The following EDEM3 variants were observed in gnomAD, a reference collection of about 807,000 sequenced individuals.
The protein encoded by EDEM3 is ER degradation enhancing alpha-mannosidase like protein 3.
Under a neutral mutation model 110.2 loss-of-function variants are expected in EDEM3, and 60 were observed. That is an observed-to-expected ratio of 0.54 (90% CI 0.44 to 0.67). EDEM3 has a LOEUF of 0.67. EDEM3 is among the 30% of genes least tolerant of loss of function. EDEM3 has a pLI of 0.00. For missense variants in EDEM3, 996 were observed against 1,121.0 expected (o/e 0.89, Z 1.59); for synonymous variants, 352 against 382.9 (o/e 0.92, Z 0.94).
chr1:184,744,960 G>C (rs1277665085), intron 2 of EDEM3, among the ~76,000 whole-genome samples: 1 of 152,080 alleles, frequency 6.6e-6, no homozygotes, highest in African/African-American at 2.4e-5. Flanking sequence ...AGGTTGCTAG[G>C]CGTCAGAGGT....
At chr1:184,715,918 G>A (rs1272464174) in intron 13 of EDEM3, among the ~76,000 whole-genome samples, 4 of 152,152 alleles carry the variant, frequency 2.6e-5, no homozygotes, top group Non-Finnish European at 2.9e-5. Flanking sequence ...AACACTAAGT[G>A]AAGAACTAAG....
intron 8 of EDEM3, among the ~76,000 whole-genome samples, chr1:184,722,411 T>C (rs1031598965): frequency 3.0e-4 from 46 of 152,016 alleles, no homozygotes; most frequent in Non-Finnish European, 2.9e-5. Context: ...TTTTAAACTA[T>C]AACCAAGATG....
At chr1:184,726,528 G>T in intron 6 of EDEM3, 139 bp from the exon 7 acceptor site, 1 of 928,736 alleles carries the variant, frequency 1.1e-6, no homozygotes, top group Non-Finnish European at 1.6e-6. Context: ...TCAATCTGAT[G>T]ATCTCTGACT....
chr1:184,742,200 T>C (rs1652183293), intron 2 of EDEM3, among the ~76,000 whole-genome samples: 1 of 152,172 alleles, frequency 6.6e-6, no homozygotes, highest in Admixed American at 6.5e-5. Context: ...CAAAGCAGGT[T>C]AAAGAATACT....
chr1:184,722,490 A>G lies in EDEM3; in HGVS notation c.854-1104T>C, dbSNP rs141758634. Among the ~76,000 whole-genome samples the G allele has an allele frequency of 2.8e-3, 424 of 152,128 alleles. 5 individuals carry two copies. In the East Asian group the frequency reaches 0.035, roughly 13 times the overall value. On this transcript the variant is annotated intron_variant, in intron 8 of 19. Transcript: ENST00000318130. ...TGAATACACAAGATGACTTTTCATC[A>G]GTGGCCATTCAATATTTTGCTTTTA...
At position 184,694,052 on chromosome 1, in the gene EDEM3, T is replaced by G; in HGVS notation, c.*11A>C. 1 of 1,604,960 alleles carries G rather than the reference T, an allele frequency of 6.2e-7. No individual in the cohort carries two copies. The highest frequency in any genetic ancestry group is 8.5e-7 in the Non-Finnish European group (1 of 1,175,284). Reference sequence around the variant, plus strand: ...TCTTTTTAAATACCTACCAACAGATTGTTTAGCAAGTCATAGCTCATCCTT... The same window carrying G: ...TCTTTTTAAATACCTACCAACAGATGGTTTAGCAAGTCATAGCTCATCCTT... On this transcript the variant is annotated 3_prime_UTR_variant, in exon 20 of 20. Transcript: ENST00000318130.
rs1165411279 is a variant in EDEM3 at position 184,729,955 on chromosome 1, A to T, written c.612+2882T>A. On this transcript the variant is annotated intron_variant, in intron 6 of 19. Transcript: ENST00000318130. Reference sequence around the variant, plus strand: ...AGTAAACTGAATTAAGTAAATGTTTATATATTGTTTAAAAAACTTTGCTTT... The same window carrying T: ...AGTAAACTGAATTAAGTAAATGTTTTTATATTGTTTAAAAAACTTTGCTTT... Among the ~76,000 whole-genome samples, 3 of 152,226 alleles carry T rather than the reference A, an allele frequency of 2.0e-5. No homozygotes were observed. In the South Asian group the frequency reaches 6.2e-4, roughly 31 times the overall value.
rs940917863 is a variant in EDEM3, at chr1:184,691,068, T to C, written c.*2995A>G. 6.6e-6 allele frequency: 1 copy of C among 152,530 alleles called. No homozygotes were observed. Among genetic ancestry groups the C allele is most frequent in the African/African-American group, 2.4e-5 (1 of 41,432 alleles). The allele number at this position is 152,530 out of a possible 1,614,324, so 9.4% of individuals were successfully genotyped here. On this transcript the variant is annotated 3_prime_UTR_variant, in exon 20 of 20. Transcript: ENST00000318130. Reference sequence around the variant, plus strand: ...GTTAAAATCAGAAAGTGTACAATTTTTCTTTTTACTAATACTGTAAAGAAA... The same window carrying C: ...GTTAAAATCAGAAAGTGTACAATTTCTCTTTTTACTAATACTGTAAAGAAA...
intron 16 of EDEM3, 74 bp downstream of exon 16, chr1:184,710,320 T>C: frequency 6.6e-7 from 1 of 1,516,434 alleles, no homozygotes; most frequent in Non-Finnish European, 8.9e-7. Flanking sequence ...TTGAAATCCA[T>C]TATCTTATTA....
rs376878107 is a variant in EDEM3, at chr1:184,754,700, T to C, written c.-54A>G. On this transcript the variant is annotated 5_prime_UTR_variant, in exon 1 of 20. Transcript: ENST00000318130. ...GCTACGCCCGGCCGGTGAGACACAT[T>C]GCTGGACGCTGGTGGCCAGGGGGCT... The C allele has an allele frequency of 1.8e-5, 26 of 1,473,298 alleles. 1 individual carries two copies. In the Middle Eastern group the frequency reaches 6.2e-4, roughly 35 times the overall value. The allele number at this position is 1,473,298 out of a possible 1,614,324, so 91.3% of individuals were successfully genotyped here. A position where few individuals can be genotyped will look rare whatever the true frequency, so the allele number is the denominator to read the frequency against.
intron 13 of EDEM3, 53 bp downstream of exon 13, chr1:184,716,835 T>C: frequency 1.3e-6 from 2 of 1,589,406 alleles, no homozygotes; most frequent in Non-Finnish European, 1.7e-6. Context: ...TAGCTGCATT[T>C]TGTGTTGTTT....
At chr1:184,716,250 T>C (rs1650539540) in intron 13 of EDEM3, among the ~76,000 whole-genome samples, 1 of 152,202 alleles carries the variant, frequency 6.6e-6, no homozygotes, top group South Asian at 2.1e-4. Flanking sequence ...AGTAAATATT[T>C]CTGGAATGAA....
chr1:184,701,246 A>G (rs1356941095), intron 19 of EDEM3, among the ~76,000 whole-genome samples: 2 of 152,012 alleles, frequency 1.3e-5, no homozygotes, highest in Admixed American at 6.6e-5. Flanking sequence ...TAAAACAACA[A>G]TGCCTTTGTT....
Position 184,720,253 on chromosome 1 carries a change from T to C in EDEM3, c.952-685A>G, listed in dbSNP as rs532706239. On this transcript the variant is annotated intron_variant, in intron 9 of 19. Coordinates refer to ENST00000318130, the MANE Select transcript of EDEM3 (RefSeq NM_025191.4). Reference sequence around the variant, plus strand: ...TTTTAGAAAGTATTCAATTAATGACTTATTAACTTTTACTAATTTTTTTTT... The same window carrying C: ...TTTTAGAAAGTATTCAATTAATGACCTATTAACTTTTACTAATTTTTTTTT... Among the ~76,000 whole-genome samples the C allele has an allele frequency of 5.2e-4, 79 of 151,072 alleles. 1 individual carries two copies. Among genetic ancestry groups the C allele is most frequent in the South Asian group, 3.1e-3 (15 of 4,826 alleles).
intron 18 of EDEM3, 90 bp from the exon 19 acceptor site, chr1:184,703,086 G>A: frequency 9.1e-7 from 1 of 1,102,002 alleles, no homozygotes; most frequent in African/African-American, 1.6e-5. Context: ...TACAATGACA[G>A]AATTAATTTT....
chr1:184,736,339 T>C (rs574896250), intron 4 of EDEM3, among the ~76,000 whole-genome samples: 2 of 152,326 alleles, frequency 1.3e-5, no homozygotes, highest in Admixed American at 6.5e-5. Flanking sequence ...AAAGGTTTTT[T>C]GTTTTGTTTT....
At chr1:184,745,742 G>T (rs1406254707) in intron 2 of EDEM3, among the ~76,000 whole-genome samples, 3 of 152,042 alleles carry the variant, frequency 2.0e-5, no homozygotes, top group African/African-American at 7.2e-5. Flanking sequence ...GTGGTTATTA[G>T]GTACGATTCT....
chr1:184,746,926 T>G (rs1344313709), intron 2 of EDEM3, among the ~76,000 whole-genome samples: 1 of 151,968 alleles, frequency 6.6e-6, no homozygotes, highest in Non-Finnish European at 1.5e-5. Flanking sequence ...GTAAATGACT[T>G]ACAGGCCCTG....
In EDEM3 at chr1:184,717,984, T is replaced by C. The variant is rs116433342; in HGVS notation, c.1162-361A>G. Among the ~76,000 whole-genome samples the C allele has an allele frequency of 2.9e-3, 434 of 152,138 alleles. 5 individuals are homozygous for C. In the East Asian group the frequency reaches 0.036, roughly 12 times the overall value. ...GATTATTACTCTCCTAGTTCTCATA[T>C]TTATTTTTAAATTTTTTAAATCGAC... On this transcript the variant is annotated intron_variant, in intron 11 of 19. Transcript: ENST00000318130.
Sources: allele counts gnomAD v4.1 joint callset (sites outside exome capture counted in the v4.1 genomes callset), GRCh38; gene constraint gnomAD v4.1.1; transcripts MANE v1.5; gene names NCBI Gene and HGNC (gene_info 2026-07-23, HGNC 2026-07-21).